The following PDZD2 variants were observed in gnomAD, a reference collection of about 807,000 sequenced individuals.
PDZD2 encodes the protein PDZ domain containing 2.
Under a neutral mutation model 220.7 loss-of-function variants are expected in PDZD2, and 90 were observed. That is an observed-to-expected ratio of 0.41 (90% CI 0.34 to 0.49). The LOEUF is 0.49. Among genes scored for constraint, PDZD2 ranks in the 20% least tolerant of loss-of-function variants. The pLI is 0.28. For missense variants in PDZD2, 3,174 were observed against 3,608.5 expected (o/e 0.88, Z 3.08); for synonymous variants, 1,375 against 1,450.5 (o/e 0.95, Z 1.18).
chr5:31,983,780 G>A (rs1750497723), intron 3 of PDZD2, 124 bp downstream of exon 3: 3 of 983,524 alleles, frequency 3.1e-6, no homozygotes, highest in Non-Finnish European at 4.6e-6. Context: ...AAGAAATATT[G>A]TTTGAAGTTG....
In PDZD2 at chr5:31,799,027, C is replaced by T. The variant is rs1268202274; in HGVS notation, c.-222C>T. ...TTCCTTCCTTCCCTCATTGAGCACT[C>T]CAGTGCCATTGTTCCACAGTTGTTC... On this transcript the variant is annotated 5_prime_UTR_variant, in exon 2 of 25. Transcript: ENST00000438447. 2 of 562,598 alleles carry T rather than the reference C, an allele frequency of 3.6e-6. No individual in the cohort carries two copies. Among genetic ancestry groups the T allele is most frequent in the African/African-American group, 1.9e-5 (1 of 53,628 alleles). 34.9% of individuals were successfully genotyped at this position (562,598 alleles called of 1,614,324 possible). A position where few individuals can be genotyped will look rare whatever the true frequency, so the allele number is the denominator to read the frequency against.
chr5:31,740,936 T>C (rs1010485576), intron 1 of PDZD2, among the ~76,000 whole-genome samples: 3 of 152,228 alleles, frequency 2.0e-5, no homozygotes, highest in African/African-American at 7.2e-5. Context: ...AATTAGATGT[T>C]TGTTCTTATT....
intron 2 of PDZD2, among the ~76,000 whole-genome samples, chr5:31,844,426 G>T: frequency 6.6e-6 from 1 of 152,142 alleles, no homozygotes; most frequent in Middle Eastern, 3.2e-3. Flanking sequence ...CAAGCTTCTC[G>T]ATTTTTAACA....
chr5:32,090,235 G>A lies in PDZD2; in HGVS notation c.6787G>A (p.Ala2263Thr). ...AAGCAGTGTTGTCCCCGAGGCAAAG[G>A]CATCCAGAGGTGGTCTTCCCAGCCT... Reference protein sequence around the residue: ...VTSSVVPEAKASRGGLPSLAN... With the variant: ...VTSSVVPEAKTSRGGLPSLAN... The change falls in exon 20 of 25, where the codon GCA becomes ACA. Residue 2263 changes from alanine (A) to threonine (T), a missense_variant. Physicochemically the swap from Ala to Thr is moderately conservative, Grantham distance 58. Around this residue, in one of 4 missense-constraint regions of PDZD2, gnomAD observed 631 missense variants for 789.9 expected, o/e 0.80. Transcript: ENST00000438447. This position sits in a 1 kb window ranked among gnomAD's most constrained non-coding sequence, Gnocchi z 4.3. 3 of 1,614,174 alleles carry A rather than the reference G, an allele frequency of 1.9e-6. No homozygotes were observed. The highest frequency in any genetic ancestry group is 2.5e-6 in the Non-Finnish European group (3 of 1,180,030).
intron 21 of PDZD2, among the ~76,000 whole-genome samples, chr5:32,094,140 T>G (rs75122250): frequency 0.02 from 3,054 of 151,544 alleles, 101 homozygotes; most frequent in African/African-American, 0.071. Flanking sequence ...GAAGAAACCC[T>G]GAGTGTGAGT....
chr5:31,896,364 G>A (rs1297588714), intron 2 of PDZD2, among the ~76,000 whole-genome samples: 2 of 146,004 alleles, frequency 1.4e-5, no homozygotes, highest in South Asian at 2.2e-4. Flanking sequence ...GTGTGTGTGT[G>A]TGTATGTGTG....
intron 2 of PDZD2, among the ~76,000 whole-genome samples, chr5:31,875,183 C>T (rs1739192831): frequency 1.3e-5 from 2 of 152,112 alleles, no homozygotes; most frequent in South Asian, 4.2e-4. Context: ...TCCTCTATAT[C>T]TTTCTTCCAG....
At chr5:31,645,771 G>C (rs1745111682) in intron 1 of PDZD2, among the ~76,000 whole-genome samples, 2 of 152,096 alleles carry the variant, frequency 1.3e-5, no homozygotes, top group Non-Finnish European at 2.9e-5. Flanking sequence ...TAAAAATAAA[G>C]GCAGCACTCA....
At chr5:31,764,930 C>G (rs990975662) in intron 1 of PDZD2, among the ~76,000 whole-genome samples, 72 of 152,068 alleles carry the variant, frequency 4.7e-4, no homozygotes, top group Non-Finnish European at 1.3e-4. Context: ...TACAAAAACT[C>G]TCTGGGCGTG....
At chr5:31,855,189 G>C (rs1227305443) in intron 2 of PDZD2, 1 of 862,488 alleles carries the variant, frequency 1.2e-6, no homozygotes, top group Non-Finnish European at 1.4e-6. Flanking sequence ...GGCTTCTCAG[G>C]CGAAAGCCTC....
intron 2 of PDZD2, among the ~76,000 whole-genome samples, chr5:31,850,617 TAC>T (rs1437906098): frequency 1.3e-5 from 2 of 151,088 alleles, no homozygotes; most frequent in Non-Finnish European, 2.9e-5. Flanking sequence ...AAGTCGTCTT[TAC>T]ATTGTACCCA....
At chr5:31,752,033 CTTTG>C (rs1751002508) in intron 1 of PDZD2, among the ~76,000 whole-genome samples, 1 of 92,288 alleles carries the variant, frequency 1.1e-5, no homozygotes, top group African/African-American at 3.8e-5. Flanking sequence ...CTCTCTCTCT[CTTTG>C]TATTTTTTGT....
chr5:31,644,277 C>T (rs1039060671), intron 1 of PDZD2, among the ~76,000 whole-genome samples: 1 of 152,084 alleles, frequency 6.6e-6, no homozygotes, highest in African/African-American at 2.4e-5. Flanking sequence ...ATTTGACAAT[C>T]TTGATCTCCT....
chr5:31,930,410 A>G (rs539324955), intron 2 of PDZD2, among the ~76,000 whole-genome samples: 245 of 151,934 alleles, frequency 1.6e-3, no homozygotes, highest in African/African-American at 5.4e-3. Context: ...CATGTTAGCC[A>G]GGATGGTCTC....
intron 2 of PDZD2, among the ~76,000 whole-genome samples, chr5:31,927,378 T>C (rs946891479): frequency 1.1e-5 from 1 of 94,930 alleles, no homozygotes; most frequent in African/African-American, 3.4e-5. Flanking sequence ...CTTTTTTGGG[T>C]GTTTTTTTGT....
intron 2 of PDZD2, among the ~76,000 whole-genome samples, chr5:31,890,082 T>G (rs980240992): frequency 7.2e-6 from 1 of 138,108 alleles, no homozygotes; most frequent in African/African-American, 2.7e-5. Context: ...AACAAAACCG[T>G]AAGAAACATT....
intron 1 of PDZD2, among the ~76,000 whole-genome samples, chr5:31,735,126 T>G (rs1580649946): frequency 6.6e-6 from 1 of 152,180 alleles, no homozygotes; most frequent in East Asian, 1.9e-4. Flanking sequence ...AGCCTCTTCA[T>G]GAGCCGTGGA....
intron 1 of PDZD2, among the ~76,000 whole-genome samples, chr5:31,641,690 T>C (rs1411120653): frequency 6.6e-6 from 1 of 152,090 alleles, no homozygotes; most frequent in African/African-American, 2.4e-5. Context: ...GGTTTCACCA[T>C]GTTGCTTATG....
intron 6 of PDZD2, among the ~76,000 whole-genome samples, chr5:32,030,134 C>T (rs986309716): frequency 6.6e-6 from 1 of 152,032 alleles, no homozygotes; most frequent in African/African-American, 2.4e-5. Context: ...TCTGATGGAG[C>T]TCTACCTTCT....
Sources: gnomAD v4.1 joint callset for allele counts (sites outside exome capture counted in the v4.1 genomes callset) on GRCh38, gnomAD v4.1.1 for gene constraint, gnomAD v4.1.1 regional missense constraint, Gnocchi (gnomAD v3.1) non-coding constraint, MANE v1.5 for transcripts, NCBI Gene and HGNC (gene_info 2026-07-23, HGNC 2026-07-21) for gene names.